The following ZNF385D variants were observed in gnomAD, a reference collection of about 807,000 sequenced individuals.
ZNF385D encodes the protein zinc finger protein 385D.
Under a neutral mutation model 35.8 loss-of-function variants are expected in ZNF385D, and 15 were observed. The observed-to-expected ratio is 0.42, with a 90% CI of 0.28 to 0.64. ZNF385D has a LOEUF of 0.64. Ranked by LOEUF, ZNF385D falls within the 30% of genes least tolerant of loss-of-function variation. ZNF385D has a pLI of 0.23. For missense variants in ZNF385D, 474 were observed against 494.6 expected (o/e 0.96, Z 0.39); for synonymous variants, 212 against 186.8 (o/e 1.13, Z -1.10).
intron 2 of ZNF385D, among the ~76,000 whole-genome samples, chr3:21,663,270 A>G (rs2066291991): frequency 6.6e-6 from 1 of 152,166 alleles, no homozygotes; most frequent in Non-Finnish European, 1.5e-5. Context: ...TCTTTGTTTT[A>G]TGTTAAATGA....
At chr3:22,113,770 G>C (rs1478550560) in intron 3 of ZNF385D, among the ~76,000 whole-genome samples, 1 of 152,036 alleles carries the variant, frequency 6.6e-6, no homozygotes, top group Non-Finnish European at 1.5e-5. Flanking sequence ...TGAATCACGA[G>C]TCAGGAGATA....
At chr3:22,089,190 G>T (rs1044764269) in intron 3 of ZNF385D, among the ~76,000 whole-genome samples, 4 of 152,102 alleles carry the variant, frequency 2.6e-5, no homozygotes, top group African/African-American at 9.7e-5. Context: ...AAAACTGTCT[G>T]TAAACTGTTT....
chr3:22,141,735 C>T (rs1244514756), intron 3 of ZNF385D, among the ~76,000 whole-genome samples: 1 of 152,128 alleles, frequency 6.6e-6, no homozygotes, highest in African/African-American at 2.4e-5. Context: ...TACCTTGTGT[C>T]AATACTTACT....
intron 2 of ZNF385D, among the ~76,000 whole-genome samples, chr3:22,174,445 T>C (rs934476030): frequency 2.0e-5 from 3 of 152,318 alleles, no homozygotes; most frequent in African/African-American, 7.2e-5. Flanking sequence ...ACAGTGTAAG[T>C]AGTTTTACAA....
intron 3 of ZNF385D, among the ~76,000 whole-genome samples, chr3:21,825,081 CCATAT>C (rs1373540665): frequency 6.6e-6 from 1 of 152,132 alleles, no homozygotes; most frequent in Non-Finnish European, 1.5e-5. Context: ...ATTATCAGTA[CCATAT>C]AAGTCACTCA....
intron 3 of ZNF385D, among the ~76,000 whole-genome samples, chr3:22,042,509 C>G (rs1282096206): frequency 6.6e-6 from 1 of 152,030 alleles, no homozygotes; most frequent in African/African-American, 2.4e-5. Flanking sequence ...TGCAGTAGAA[C>G]AGACTATAAG....
chr3:21,892,408 G>A lies in ZNF385D; in HGVS notation c.326-227380C>T, dbSNP rs900628297. On this transcript the variant is annotated intron_variant, in intron 3 of 5. Coordinates refer to the ZNF385D transcript ENST00000494108. ...ATCTCTAAGAATACAACAATCCAGA[G>A]AAATCATTTTCAAAGTGTGCTCTTA... 2.0e-5 allele frequency among the ~76,000 whole-genome samples: 3 copies of A among 152,112 alleles called. No homozygotes were observed. In the East Asian group the frequency reaches 5.8e-4, roughly 29 times the overall value.
intron 4 of ZNF385D, among the ~76,000 whole-genome samples, chr3:21,444,371 C>T (rs1702027899): frequency 7.3e-6 from 1 of 137,076 alleles, no homozygotes; most frequent in South Asian, 2.5e-4. Context: ...TGAGCCACAG[C>T]ACCCGGCCTT....
intron 3 of ZNF385D, among the ~76,000 whole-genome samples, chr3:21,896,297 A>G (rs1229800226): frequency 3.3e-5 from 5 of 152,190 alleles, no homozygotes; most frequent in Admixed American, 3.3e-4. Flanking sequence ...TGCTTTGGAT[A>G]TATGTCACTC....
intron 3 of ZNF385D, among the ~76,000 whole-genome samples, chr3:22,097,712 C>A (rs766909608): frequency 2.3e-4 from 35 of 152,140 alleles, no homozygotes; most frequent in Non-Finnish European, 1.8e-4. Context: ...GAGGATGAAG[C>A]TGTGTGCTTG....
At chr3:21,934,996 G>C (rs1363670593) in intron 3 of ZNF385D, among the ~76,000 whole-genome samples, 1 of 152,178 alleles carries the variant, frequency 6.6e-6, no homozygotes, top group Non-Finnish European at 1.5e-5. Context: ...TCTGTGTCCA[G>C]TGGTACTTAG....
intron 3 of ZNF385D, among the ~76,000 whole-genome samples, chr3:22,140,400 C>T (rs955509627): frequency 2.6e-5 from 4 of 151,856 alleles, no homozygotes; most frequent in East Asian, 3.9e-4. Flanking sequence ...GGGAACAGGC[C>T]GAGGTTGGGG....
intron 2 of ZNF385D, among the ~76,000 whole-genome samples, chr3:22,230,551 C>A (rs931736502): frequency 3.3e-5 from 5 of 152,140 alleles, no homozygotes; most frequent in African/African-American, 1.2e-4. Context: ...AGACTATACA[C>A]CCCTAATACT....
intron 3 of ZNF385D, among the ~76,000 whole-genome samples, chr3:21,525,301 C>T (rs1708155125): frequency 1.3e-5 from 2 of 151,914 alleles, no homozygotes; most frequent in African/African-American, 4.8e-5. Flanking sequence ...GAAGAAATGC[C>T]AAACAGAGAC....
chr3:21,691,338 C>G (rs1389609527), intron 1 of ZNF385D, among the ~76,000 whole-genome samples: 5 of 152,046 alleles, frequency 3.3e-5, no homozygotes, highest in Non-Finnish European at 7.4e-5. Context: ...TTTATTCTTC[C>G]CCAGTCTACT....
chr3:22,193,210 A>G (rs17010996), intron 2 of ZNF385D, among the ~76,000 whole-genome samples: 29,749 of 152,046 alleles, frequency 0.2, 3,215 homozygotes, highest in African/African-American at 0.27. Context: ...CCTTCCTTCC[A>G]TATTTCCCCT....
At chr3:22,131,104 G>A in intron 3 of ZNF385D, among the ~76,000 whole-genome samples, 1 of 152,202 alleles carries the variant, frequency 6.6e-6, no homozygotes, top group Middle Eastern at 3.4e-3. Context: ...CATGATGTTT[G>A]GATAAAATGT....
intron 1 of ZNF385D, among the ~76,000 whole-genome samples, chr3:21,717,392 G>A (rs2068365814): frequency 6.6e-6 from 1 of 152,118 alleles, no homozygotes; most frequent in African/African-American, 2.4e-5. Flanking sequence ...ACGCACATGG[G>A]GTTTTCAAAT....
At chr3:22,195,013 A>T (rs544456007) in intron 2 of ZNF385D, among the ~76,000 whole-genome samples, 3 of 152,010 alleles carry the variant, frequency 2.0e-5, no homozygotes, top group African/African-American at 7.2e-5. Flanking sequence ...TATTTTGGTC[A>T]TTATATGCTT....
Sources: gnomAD v4.1 joint callset for allele counts (sites outside exome capture counted in the v4.1 genomes callset) on GRCh38, gnomAD v4.1.1 for gene constraint, MANE v1.5 for transcripts, NCBI Gene and HGNC (gene_info 2026-07-23, HGNC 2026-07-21) for gene names.